BANK1: variants seen among roughly 807,000 people sequenced by gnomAD.
BANK1 encodes the protein B-cell scaffold protein with ankyrin repeats.
BANK1 carries 95 observed loss-of-function variants against 94.5 expected under a neutral mutation model. The observed-to-expected ratio is 1.00, with a 90% CI of 0.85 to 1.19. The LOEUF (loss-of-function observed/expected upper bound fraction) is 1.19, where lower values mean the gene tolerates loss of function less well. Ranked by LOEUF, BANK1 falls within the 50% of genes most tolerant of loss-of-function variation. The pLI is 0.00. For missense variants in BANK1, 987 were observed against 932.2 expected (o/e 1.06, Z -0.77); for synonymous variants, 334 against 308.4 (o/e 1.08, Z -0.87).
At chr4:101,927,304 A>T (rs78653263) in intron 7 of BANK1, among the ~76,000 whole-genome samples, 178 of 151,692 alleles carry the variant, frequency 1.2e-3, no homozygotes, top group African/African-American at 4.1e-3. Flanking sequence ...ATGGGGGAAA[A>T]CTGCCTCATG....
intron 6 of BANK1, among the ~76,000 whole-genome samples, chr4:101,899,560 A>AT (rs1415636172): frequency 2.0e-5 from 3 of 152,154 alleles, no homozygotes; most frequent in South Asian, 2.1e-4. Context: ...CCAAAAAAAG[A>AT]TTTTTTCAAA....
intron 7 of BANK1, among the ~76,000 whole-genome samples, chr4:101,999,034 A>G (rs1311157594): frequency 6.6e-6 from 1 of 152,156 alleles, no homozygotes; most frequent in Non-Finnish European, 1.5e-5. Flanking sequence ...CCTTTGCTTG[A>G]TAGTTTGGCT....
intron 2 of BANK1, among the ~76,000 whole-genome samples, chr4:101,845,269 T>C (rs1727201052): frequency 6.6e-6 from 1 of 152,116 alleles, no homozygotes; most frequent in Non-Finnish European, 1.5e-5. Context: ...TTAAAAAAGA[T>C]ACTACATCAC....
At chr4:101,795,615 G>A (rs1725129907) in intron 1 of BANK1, among the ~76,000 whole-genome samples, 1 of 152,108 alleles carries the variant, frequency 6.6e-6, no homozygotes, top group Non-Finnish European at 1.5e-5. Context: ...TGTGTTTTTA[G>A]TACAGTTAGT....
intron 7 of BANK1, among the ~76,000 whole-genome samples, chr4:101,946,575 T>C (rs1298156881): frequency 6.6e-6 from 1 of 151,886 alleles, no homozygotes; most frequent in African/African-American, 2.4e-5. Context: ...ACTAGAAAAG[T>C]CAAAGGAACA....
chr4:102,050,507 T>A (rs1396648965), intron 11 of BANK1, among the ~76,000 whole-genome samples: 1 of 152,036 alleles, frequency 6.6e-6, no homozygotes, highest in East Asian at 1.9e-4. Flanking sequence ...TGTGAAAAAA[T>A]CCCACCAAAA....
chr4:101,977,598 A>G (rs1350515575), intron 7 of BANK1, among the ~76,000 whole-genome samples: 1 of 152,168 alleles, frequency 6.6e-6, no homozygotes, highest in Admixed American at 6.6e-5. Flanking sequence ...AATTCTTAAG[A>G]ATACAATTAT....
chr4:101,872,669 C>T (rs964076900), intron 5 of BANK1, among the ~76,000 whole-genome samples: 5 of 152,116 alleles, frequency 3.3e-5, no homozygotes, highest in African/African-American at 1.2e-4. Flanking sequence ...TTTGCCTTTG[C>T]TCCCACATAG....
chr4:101,840,724 C>T (rs939806626), intron 2 of BANK1, among the ~76,000 whole-genome samples: 13 of 152,154 alleles, frequency 8.5e-5, no homozygotes, highest in Non-Finnish European at 1.8e-4. Flanking sequence ...AATCTCTGTT[C>T]GAGGCTCTCA....
intron 6 of BANK1, among the ~76,000 whole-genome samples, chr4:101,901,905 C>T (rs753008310): frequency 3.6e-4 from 55 of 152,224 alleles, no homozygotes; most frequent in Non-Finnish European, 4.0e-4. Flanking sequence ...GGACTACAGG[C>T]GCCCGCCAAC....
chr4:102,035,603 G>A (rs190059531), intron 10 of BANK1, among the ~76,000 whole-genome samples: 5 of 147,630 alleles, frequency 3.4e-5, no homozygotes, highest in African/African-American at 5.0e-5. Flanking sequence ...ATCCGAGATC[G>A]CGCCACTGCA....
chr4:101,855,294 G>T (rs925068348), intron 3 of BANK1, 105 bp downstream of exon 3: 3 of 1,130,432 alleles, frequency 2.7e-6, no homozygotes, highest in Non-Finnish European at 3.7e-6. Flanking sequence ...GCCCAGGCTG[G>T]TCTTTAACTC....
At position 102,030,238 on chromosome 4, in the gene BANK1, G is replaced by A; in HGVS notation, c.1873G>A (p.Glu625Lys). ...CCGACCCACAAGTATACCTCCAAAA[G>A]AGGAAACTACACCTTACATAGCTCA... ...TPRPTSIPPK[E>K]ETTPYIAQVF... Residue 625 changes from glutamate to lysine, a missense_variant, in exon 10 of 17, where the codon GAG becomes AAG. Transcript: ENST00000322953. 6.3e-7 allele frequency: 1 copy of A among 1,599,430 alleles called. No individual in the cohort carries two copies. Among genetic ancestry groups the A allele is most frequent in the Non-Finnish European group, 8.5e-7 (1 of 1,176,092 alleles).
Position 101,918,206 on chromosome 4 carries a change from A to C in BANK1, c.1206+17A>C. 7.6e-7 allele frequency: 1 copy of C among 1,317,740 alleles called. No individual in the cohort carries two copies. The highest frequency in any genetic ancestry group is 1.4e-5 in the South Asian group (1 of 72,872). The allele number at this position is 1,317,740 out of a possible 1,614,324, so 81.6% of individuals were successfully genotyped here. A position where few individuals can be genotyped will look rare whatever the true frequency, so the allele number is the denominator to read the frequency against. On this transcript the variant is annotated intron_variant, in intron 7 of 16. Transcript: ENST00000322953. ...GACTTTTCAGTAAGTTTTTTTTTTA[A>C]ATTATATCTCTGTATATTCTGTTTG... is the stretch of plus-strand genomic sequence containing the variant.
intron 7 of BANK1, among the ~76,000 whole-genome samples, chr4:102,013,816 T>C (rs1308401628): frequency 6.6e-6 from 1 of 152,074 alleles, no homozygotes; most frequent in Non-Finnish European, 1.5e-5. Context: ...ATAAACACAA[T>C]TTGGTCATAT....
chr4:102,016,514 A>G (rs1726706561), intron 7 of BANK1, among the ~76,000 whole-genome samples: 2 of 152,192 alleles, frequency 1.3e-5, no homozygotes, highest in African/African-American at 4.8e-5. Context: ...GAAACTCTAT[A>G]CATGATGCAT....
chr4:102,024,638 CAA>C (rs992660240), intron 8 of BANK1, among the ~76,000 whole-genome samples: 1 of 149,020 alleles, frequency 6.7e-6, no homozygotes, highest in African/African-American at 2.5e-5. Flanking sequence ...CCTTTTTCAC[CAA>C]AAAAAAATTA....
chr4:102,040,779 G>A (rs187763277), intron 10 of BANK1, among the ~76,000 whole-genome samples: 1 of 152,108 alleles, frequency 6.6e-6, no homozygotes, highest in East Asian at 1.9e-4. Context: ...GTTGGACCTG[G>A]AGTGTCTTGG....
chr4:101,914,945 G>A (rs1722781791), intron 6 of BANK1, among the ~76,000 whole-genome samples: 1 of 152,162 alleles, frequency 6.6e-6, no homozygotes, highest in Non-Finnish European at 1.5e-5. Context: ...CAGTTTGAGA[G>A]CTGAAATAAG....
Sources: gnomAD v4.1 joint callset for allele counts (sites outside exome capture counted in the v4.1 genomes callset) on GRCh38, gnomAD v4.1.1 for gene constraint, MANE v1.5 for transcripts, NCBI Gene and HGNC (gene_info 2026-07-23, HGNC 2026-07-21) for gene names.